The following CCL20 variants were observed in gnomAD, a reference collection of about 807,000 sequenced individuals.
CCL20 encodes C-C motif chemokine ligand 20.
Under a neutral mutation model 10.8 loss-of-function variants are expected in CCL20, and 8 were observed. The ratio of observed to expected loss-of-function variants is 0.74; its 90% CI spans 0.44 to 1.34. The LOEUF (loss-of-function observed/expected upper bound fraction) is 1.34. Among genes scored for constraint, CCL20 ranks in the 40% most tolerant of loss-of-function variants. CCL20 has a pLI of 0.01. For synonymous variants in CCL20, 40 were observed against 39.4 expected, an observed-to-expected ratio of 1.02 and a Z score of -0.06; for missense variants, 107 against 117.9, an observed-to-expected ratio of 0.91 and a Z score of 0.43.
At position 227,817,425 on chromosome 2, in the gene CCL20, A is replaced by G. The variant is rs1211518365; in HGVS notation, c.*342A>G. 2 of 172,348 alleles carry G rather than the reference A, an allele frequency of 1.2e-5. No individual in the cohort carries two copies. The highest frequency in any genetic ancestry group is 2.5e-5 in the Non-Finnish European group (2 of 81,600). 10.7% of individuals were successfully genotyped at this position (172,348 alleles called of 1,614,324 possible). A position where few individuals can be genotyped will look rare whatever the true frequency, so the allele number is the denominator to read the frequency against. ...TATATGGACTTTCTTGCAAGCAACAAGCTATTTTTTAAAAAAAACTATTTA... is the reference window on the plus strand; with the variant it reads ...TATATGGACTTTCTTGCAAGCAACAGGCTATTTTTTAAAAAAAACTATTTA... On this transcript the variant is annotated 3_prime_UTR_variant, in exon 4 of 4. Coordinates refer to ENST00000358813, the MANE Select transcript of CCL20 (RefSeq NM_004591.3).
rs1205328622 is a variant in CCL20, at chr2:227,814,128, G to GGTGGA, written c.76+148_76+152dup. The GGTGGA allele has an allele frequency of 2.4e-4, 176 of 727,356 alleles. 1 individual carries two copies. The East Asian group carries it at 4.4e-3, about 18-fold the overall frequency. 45.1% of individuals were successfully genotyped at this position (727,356 alleles called of 1,614,324 possible). A position where few individuals can be genotyped will look rare whatever the true frequency, so the allele number is the denominator to read the frequency against. Reference sequence around the variant, plus strand: ...GTAGTGATGGAAGTTGTCTGCCCATGGTGGAGTGGAGGAGAGAAGAGTTAC... The same window carrying GGTGGA: ...GTAGTGATGGAAGTTGTCTGCCCATGGTGGAGTGGAGTGGAGGAGAGAAGAGTTAC... On this transcript the variant is annotated intron_variant, in intron 1 of 3. Transcript: ENST00000358813.
chr2:227,813,978 G>T lies in CCL20; in HGVS notation c.67G>T (p.Glu23Ter), dbSNP rs138641525. The change falls in exon 1 of 4, where the codon GAA becomes TAA. Residue 23 changes from glutamate (E) to a stop codon, truncating the protein, a stop_gained. Transcript: ENST00000358813. LOFTEE classifies it high-confidence loss of function. ...MSVLLLHLCG[E>*]SEAASNFDCC... Reference sequence around the variant, plus strand: ...AGTGCTGCTACTCCACCTCTGCGGCGAATCAGAAGGTAAGTGTCGCTCTTT... The same window carrying T: ...AGTGCTGCTACTCCACCTCTGCGGCTAATCAGAAGGTAAGTGTCGCTCTTT... The T allele has an allele frequency of 6.2e-7, 1 of 1,613,680 alleles. No homozygotes were observed. Among genetic ancestry groups the T allele is most frequent in the Non-Finnish European group, 8.5e-7 (1 of 1,179,550 alleles).
intron 2 of CCL20, chr2:227,815,830 C>A: frequency 3.1e-6 from 1 of 321,504 alleles, no homozygotes; most frequent in Non-Finnish European, 5.6e-6. Flanking sequence ...TAGTATAGGG[C>A]AAAAATCACT....
Position 227,816,289 on chromosome 2 carries a change from A to T in CCL20, c.192-18A>T. ...TGAAAAGCTCATTAAACACAAATCA[A>T]ATTTTCTGATTTTTCAGCTTTCACA... On this transcript the variant is annotated intron_variant, in intron 2 of 3. Transcript: ENST00000358813. 1 of 1,542,168 alleles carries T rather than the reference A, an allele frequency of 6.5e-7. No homozygotes were observed. The highest frequency in any genetic ancestry group is 2.2e-5 in the East Asian group (1 of 44,474).
chr2:227,814,959 C>T (rs1690003014), intron 1 of CCL20, among the ~76,000 whole-genome samples: 1 of 152,086 alleles, frequency 6.6e-6, no homozygotes, highest in Admixed American at 6.5e-5. Flanking sequence ...AAAGTGTTTT[C>T]ACTCCTATAA....
In CCL20 at chr2:227,813,978, G is replaced by A. The variant is rs138641525; in HGVS notation, c.67G>A (p.Glu23Lys). 7.4e-6 allele frequency: 12 copies of A among 1,613,680 alleles called. No homozygotes were observed. The highest frequency in any genetic ancestry group is 1.1e-5 in the South Asian group (1 of 91,076). The change falls in exon 1 of 4, where the codon GAA (glutamate) becomes AAA (lysine). Residue 23 changes from glutamate (E) to lysine (K), a missense_variant. Coordinates refer to ENST00000358813, the MANE Select transcript of CCL20 (RefSeq NM_004591.3). ...AGTGCTGCTACTCCACCTCTGCGGCGAATCAGAAGGTAAGTGTCGCTCTTT... is the reference window on the plus strand; with the variant it reads ...AGTGCTGCTACTCCACCTCTGCGGCAAATCAGAAGGTAAGTGTCGCTCTTT... ...MSVLLLHLCG[E>K]SEAASNFDCC...
chr2:227,816,878 G>A (rs369174967), intron 3 of CCL20, among the ~76,000 whole-genome samples, 184 bp from the exon 4 acceptor site: 68 of 152,326 alleles, frequency 4.5e-4, no homozygotes, highest in African/African-American at 1.6e-3. Flanking sequence ...TGTCATTAAT[G>A]AGCTGAGTTA....
Position 227,817,108 on chromosome 2 carries a change from A to G in CCL20, c.*25A>G, listed in dbSNP as rs759717525. 17 of 1,598,104 alleles carry G rather than the reference A, an allele frequency of 1.1e-5. No homozygotes were observed. The highest frequency in any genetic ancestry group is 1.5e-5 in the Non-Finnish European group (17 of 1,166,328). On this transcript the variant is annotated 3_prime_UTR_variant, in exon 4 of 4. Transcript: ENST00000358813. ...AAAACTGTGGCTTTTCTGGAATGGA[A>G]TTGGACATAGCCCAAGAACAGAAAG...
At position 227,816,400 on chromosome 2, in the gene CCL20, A is replaced by C. The variant is rs777201374; in HGVS notation, c.269+16A>C. 2.7e-6 allele frequency: 4 copies of C among 1,480,464 alleles called. No homozygotes were observed. Among genetic ancestry groups the C allele is most frequent in the South Asian group, 2.3e-5 (2 of 86,650 alleles). The allele number at this position is 1,480,464 out of a possible 1,614,324, so 91.7% of individuals were successfully genotyped here. A position where few individuals can be genotyped will look rare whatever the true frequency, so the allele number is the denominator to read the frequency against. ...GTCTCCTCAGGTATGTTACACTGACATTTAGCCTTTGCAAATGTTTGAGGA... is the reference window on the plus strand; with the variant it reads ...GTCTCCTCAGGTATGTTACACTGACCTTTAGCCTTTGCAAATGTTTGAGGA... On this transcript the variant is annotated intron_variant, in intron 3 of 3. Transcript: ENST00000358813.
At chr2:227,815,125 A>G (rs1040350028) in intron 1 of CCL20, among the ~76,000 whole-genome samples, 3 of 152,194 alleles carry the variant, frequency 2.0e-5, no homozygotes, top group Non-Finnish European at 4.4e-5. Flanking sequence ...TTGAATGATT[A>G]TAGTGAACTG....
chr2:227,814,733 C>T (rs929788405), intron 1 of CCL20, among the ~76,000 whole-genome samples: 3 of 151,746 alleles, frequency 2.0e-5, no homozygotes, highest in Non-Finnish European at 4.4e-5. Context: ...GGCCGTGTGC[C>T]ACTCACCTGG....
At chr2:227,815,825 T>A in intron 2 of CCL20, 1 of 337,954 alleles carries the variant, frequency 3.0e-6, no homozygotes, top group African/African-American at 2.1e-5. Flanking sequence ...GGAACTAGTA[T>A]AGGGCAAAAA....
At chr2:227,814,726 C>T (rs1374359824) in intron 1 of CCL20, among the ~76,000 whole-genome samples, 5 of 151,964 alleles carry the variant, frequency 3.3e-5, no homozygotes, top group East Asian at 1.9e-4. Flanking sequence ...GGACCACGGC[C>T]GTGTGCCACT....
At chr2:227,815,680 A>G (rs558420970) in intron 2 of CCL20, 112 bp downstream of exon 2, 13 of 624,366 alleles carry the variant, frequency 2.1e-5, no homozygotes, top group Non-Finnish European at 3.1e-5. Flanking sequence ...TGTTTTGAAC[A>G]TAAGATCTTA....
intron 2 of CCL20, chr2:227,815,784 A>G: frequency 2.4e-6 from 1 of 412,240 alleles, no homozygotes; most frequent in Non-Finnish European, 4.3e-6. Context: ...AATAAGGCAA[A>G]ACCTTTTTTA....
intron 1 of CCL20, among the ~76,000 whole-genome samples, chr2:227,814,582 G>A (rs564763427): frequency 1.9e-5 from 1 of 51,430 alleles, no homozygotes; most frequent in African/African-American, 3.5e-5. Context: ...AATGCACATT[G>A]AATTTTTTTT....
intron 1 of CCL20, among the ~76,000 whole-genome samples, chr2:227,814,448 C>T (rs370733654): frequency 5.3e-5 from 8 of 152,286 alleles, no homozygotes; most frequent in East Asian, 1.9e-4. Context: ...ACATTGCTTG[C>T]CAACTTTAAA....
chr2:227,817,169 A>G lies in CCL20; in HGVS notation c.*86A>G. The stretch of plus-strand genomic sequence containing the variant: ...GGGTTGGAGGTTTCACTTGCACATC[A>G]TGGAGGGTTTAGTGCTTATCTAATT... On this transcript the variant is annotated 3_prime_UTR_variant, in exon 4 of 4. Transcript: ENST00000358813. The G allele has an allele frequency of 9.6e-7, 1 of 1,042,750 alleles. No individual in the cohort carries two copies. The allele number at this position is 1,042,750 out of a possible 1,614,324, so 64.6% of individuals were successfully genotyped here.
In CCL20 at chr2:227,813,858, C is replaced by T. The variant is rs1689982824; in HGVS notation, c.-54C>T. 1.4e-6 allele frequency: 2 copies of T among 1,385,284 alleles called. No homozygotes were observed. Among genetic ancestry groups the T allele is most frequent in the Middle Eastern group, 3.6e-4 (2 of 5,572 alleles). 85.8% of individuals were successfully genotyped at this position (1,385,284 alleles called of 1,614,324 possible). On this transcript the variant is annotated 5_prime_UTR_variant, in exon 1 of 4. Transcript: ENST00000358813. ...GCTGCTGTCAGAATATAACAGCACTCCCAAAGAACTGGGTACTCAACACTG... is the reference window on the plus strand; with the variant it reads ...GCTGCTGTCAGAATATAACAGCACTTCCAAAGAACTGGGTACTCAACACTG...
Sources: allele counts gnomAD v4.1 joint callset (sites outside exome capture counted in the v4.1 genomes callset), GRCh38; gene constraint gnomAD v4.1.1; transcripts MANE v1.5; gene names NCBI Gene and HGNC (gene_info 2026-07-23, HGNC 2026-07-21).